LRRC37A: variants seen among roughly 807,000 people sequenced by gnomAD.
LRRC37A encodes the protein leucine-rich repeat-containing protein 37A.
Under a neutral mutation model 35.4 loss-of-function variants are expected in LRRC37A, and 3 were observed. The observed-to-expected ratio is 0.08, with a 90% CI of 0.04 to 0.22. The LOEUF is 0.22. Ranked by LOEUF, LRRC37A falls within the 10% of genes least tolerant of loss-of-function variation. The probability of loss-of-function intolerance (pLI) is 1.00; values close to 1 mark genes in which losing one functional copy is unlikely to be tolerated. For missense variants in LRRC37A, 67 were observed against 565.3 expected (o/e 0.12, Z 8.94); for synonymous variants, 23 against 215.0 (o/e 0.11, Z 7.81).
At position 46,316,569 on chromosome 17, in the gene LRRC37A, G is replaced by C. The variant is rs887045654; in HGVS notation, c.2907-5753G>C. On this transcript the variant is annotated intron_variant, in intron 5 of 13. Coordinates refer to ENST00000320254, the Ensembl canonical transcript of LRRC37A. ...TGTCACCTCAGCCTCCTGGGTAGCT[G>C]AGACTACAGGCATGCACCACCATGC... Among the ~76,000 whole-genome samples the C allele has an allele frequency of 3.0e-5, 2 of 67,576 alleles. 1 individual carries two copies. Among genetic ancestry groups the C allele is most frequent in the Non-Finnish European group, 8.5e-5 (2 of 23,434 alleles). The allele number at this position is 67,576 out of a possible 152,430, so 44.3% of individuals were successfully genotyped here.
At chr17:46,312,417 AG>A (rs2050843856) in intron 5 of LRRC37A, among the ~76,000 whole-genome samples, 1 of 65,086 alleles carries the variant, frequency 1.5e-5, no homozygotes. Flanking sequence ...TTTGGAGGAA[AG>A]ATAACAAACT....
chr17:46,279,827 G>A, the LRRC37A span, among the ~76,000 whole-genome samples: 3 of 152,092 alleles, frequency 2.0e-5, no homozygotes, highest in Non-Finnish European at 4.4e-5. Context: ...TTTGTTTTTA[G>A]TGGCGTTTCT....
chr17:46,267,893 C>CTTTTTTTTT, the LRRC37A span, among the ~76,000 whole-genome samples: 33 of 89,242 alleles, frequency 3.7e-4, no homozygotes, highest in African/African-American at 6.0e-4. Context: ...ACTCCCACAT[C>CTTTTTTTTT]TTTTTTTTTT....
intron 7 of LRRC37A, among the ~76,000 whole-genome samples, chr17:46,327,064 T>C (rs2051769805): frequency 1.2e-5 from 1 of 86,232 alleles, no homozygotes; most frequent in Non-Finnish European, 3.4e-5. Context: ...CTACTTTCTT[T>C]GATCTTCCAT....
At chr17:46,259,019 A>ATTTGTGTTTTTTTTTTTTTTTTT in the LRRC37A span, among the ~76,000 whole-genome samples, 1 of 79,468 alleles carries the variant, frequency 1.3e-5, no homozygotes, top group Admixed American at 1.4e-4. Flanking sequence ...CACCCGGCCT[A>ATTTGTGTTTTTTTTTTTTTTTTT]TTTTTTTTTT....
At chr17:46,331,798 G>A in exon 9 of LRRC37A, 1 of 542,232 alleles carries the variant, frequency 1.8e-6, no homozygotes, top group Non-Finnish European at 3.1e-6. Flanking sequence ...ACTGCTCTGG[G>A]GCCCATGTGC....
At chr17:46,252,764 T>C in the LRRC37A span, among the ~76,000 whole-genome samples, 7 of 152,244 alleles carry the variant, frequency 4.6e-5, 1 homozygote, top group South Asian at 8.3e-4. Flanking sequence ...AAGTCTCCCA[T>C]GTCTACCCGC....
At chr17:46,261,749 AG>A in the LRRC37A span, among the ~76,000 whole-genome samples, 6,024 of 126,026 alleles carry the variant, frequency 0.048, no homozygotes, top group Non-Finnish European at 0.082. Flanking sequence ...AAAAAAAAAA[AG>A]AAGAAGAAGA....
chr17:46,293,871 ACT>A (rs1204646684), upstream of LRRC37A: 2 of 258,862 alleles, frequency 7.7e-6, 1 homozygote. Flanking sequence ...TGAATCTTGG[ACT>A]CTCTTCCATT....
chr17:46,272,080 T>C, the LRRC37A span, among the ~76,000 whole-genome samples: 94 of 152,366 alleles, frequency 6.2e-4, 1 homozygote, highest in Non-Finnish European at 1.1e-3. Context: ...TTAAACCTCC[T>C]GTAGAATTTG....
chr17:46,333,134 T>C (rs1213864493), intron 10 of LRRC37A, among the ~76,000 whole-genome samples: 1 of 109,782 alleles, frequency 9.1e-6, no homozygotes, highest in African/African-American at 2.9e-5. Flanking sequence ...CATCCTCCAG[T>C]GTGTAAGGCA....
the LRRC37A span, among the ~76,000 whole-genome samples, chr17:46,268,271 G>C: frequency 6.6e-6 from 1 of 152,094 alleles, no homozygotes; most frequent in African/African-American, 2.4e-5. Flanking sequence ...TGCCCGCCTC[G>C]GCCTCCCAAA....
the LRRC37A span, among the ~76,000 whole-genome samples, chr17:46,270,804 G>A: frequency 6.6e-6 from 1 of 152,222 alleles, no homozygotes; most frequent in Non-Finnish European, 1.5e-5. Flanking sequence ...CTATTGGGGG[G>A]CAGGAGGATC....
chr17:46,250,943 A>G, the LRRC37A span, among the ~76,000 whole-genome samples: 10 of 151,056 alleles, frequency 6.6e-5, no homozygotes, highest in African/African-American at 2.4e-4. Context: ...TGTTTGTTTG[A>G]GAAAGGTTCT....
At chr17:46,267,260 TA>T in the LRRC37A span, 5 of 1,010,108 alleles carry the variant, frequency 4.9e-6, no homozygotes, top group Non-Finnish European at 7.1e-6. Context: ...TCGCTGTTGC[TA>T]AAAACCAACG....
At chr17:46,279,697 T>C in the LRRC37A span, among the ~76,000 whole-genome samples, 2 of 151,976 alleles carry the variant, frequency 1.3e-5, no homozygotes, top group African/African-American at 2.4e-5. Context: ...GGTTTCCTCA[T>C]GTTGCCCGGG....
At chr17:46,258,707 C>CTTTTTTTT in the LRRC37A span, among the ~76,000 whole-genome samples, 139 of 81,036 alleles carry the variant, frequency 1.7e-3, no homozygotes, top group Non-Finnish European at 2.2e-3. Flanking sequence ...GACTATTATT[C>CTTTTTTTT]TTTTTTTTTT....
chr17:46,322,560 G>GTTGAC (rs1173642866), intron 6 of LRRC37A, among the ~76,000 whole-genome samples, 167 bp downstream of exon 6: 1 of 88,596 alleles, frequency 1.1e-5, no homozygotes, highest in Non-Finnish European at 2.7e-5. Flanking sequence ...GATGTATAAT[G>GTTGAC]GTCAAGACAG....
At chr17:46,265,271 T>C in the LRRC37A span, among the ~76,000 whole-genome samples, 1 of 56,880 alleles carries the variant, frequency 1.8e-5, no homozygotes, top group Non-Finnish European at 4.3e-5. Flanking sequence ...CTTCTTCTTC[T>C]TCTTCTTCTT....
Sources: gnomAD v4.1 joint callset for allele counts (sites outside exome capture counted in the v4.1 genomes callset) on GRCh38, gnomAD v4.1.1 for gene constraint, MANE v1.5 for transcripts, NCBI Gene and HGNC (gene_info 2026-07-23, HGNC 2026-07-21) for gene names.